ECPAS: variants seen among roughly 807,000 people sequenced by gnomAD.
The protein encoded by ECPAS is proteasome adapter and scaffold protein ECM29.
In ECPAS, 70 loss-of-function variants were observed where a neutral mutation model predicts 255.1. That is an observed-to-expected ratio of 0.27 (90% CI 0.23 to 0.33). The LOEUF (loss-of-function observed/expected upper bound fraction) is 0.33, where lower values mean the gene tolerates loss of function less well. ECPAS is among the 10% of genes least tolerant of loss of function. The pLI, the probability that ECPAS is intolerant of heterozygous loss-of-function variation, is 1.00. For synonymous variants in ECPAS, 784 were observed against 775.0 expected, an observed-to-expected ratio of 1.01 and a Z score of -0.19; for missense variants, 1,817 against 2,206.4, an observed-to-expected ratio of 0.82 and a Z score of 3.54.
In ECPAS at chr9:111,410,890, A is replaced by G. The variant is rs947015392; in HGVS notation, c.2377+90T>C. The G allele has an allele frequency of 3.9e-6, 5 of 1,277,416 alleles. No individual in the cohort carries two copies. The East Asian group carries it at 1.2e-4, about 30-fold the overall frequency. 79.1% of individuals were successfully genotyped at this position (1,277,416 alleles called of 1,614,324 possible). A position where few individuals can be genotyped will look rare whatever the true frequency, so the allele number is the denominator to read the frequency against. ...AAAAAGCTTGTGTCTTTTCAAATAC[A>G]ATGCCATAAAAAGAAACTGAAACGC... is the stretch of plus-strand genomic sequence containing the variant. On this transcript the variant is annotated intron_variant, in intron 22 of 49. Coordinates refer to ENST00000684092, the MANE Select transcript of ECPAS (RefSeq NM_001364929.1).
At chr9:111,397,593 A>G (rs1300658474) in intron 24 of ECPAS, among the ~76,000 whole-genome samples, 1 of 152,214 alleles carries the variant, frequency 6.6e-6, no homozygotes, top group Admixed American at 6.5e-5. Flanking sequence ...CATCCACAGC[A>G]TTAGGCTTTA....
In ECPAS at chr9:111,370,750, C is replaced by T; in HGVS notation, c.4753G>A (p.Ala1585Thr). Residue 1585 changes from alanine to threonine, a missense_variant, in exon 44 of 50, where the codon GCC becomes ACC. By Grantham distance (58) the Ala-to-Thr change is moderately conservative. Around this residue, in one of 4 missense-constraint regions of ECPAS, gnomAD observed 960 missense variants for 1,179.0 expected, o/e 0.81. Coordinates refer to ENST00000684092, the MANE Select transcript of ECPAS (RefSeq NM_001364929.1). ...CAAGCTGTCACCACACAGGCAATGG[C>T]TTTCAATAGCTCCTCCTAAGGGGTT... ...TWAGKEELLK[A>T]IACVVTACSA... 6 of 1,605,232 alleles carry T rather than the reference C, an allele frequency of 3.7e-6. No homozygotes were observed. Among genetic ancestry groups the T allele is most frequent in the Non-Finnish European group, 5.1e-6 (6 of 1,175,738 alleles).
intron 31 of ECPAS, among the ~76,000 whole-genome samples, chr9:111,387,416 G>C (rs2098151125): frequency 1.3e-5 from 2 of 151,956 alleles, no homozygotes; most frequent in Admixed American, 6.6e-5. Flanking sequence ...CTGAGAGACA[G>C]TGTCTCACTC....
At chr9:111,402,057 A>G (rs948741735) in intron 24 of ECPAS, among the ~76,000 whole-genome samples, 2 of 152,252 alleles carry the variant, frequency 1.3e-5, no homozygotes, top group Admixed American at 6.5e-5. Flanking sequence ...ATAAGAAATT[A>G]TAAGAGGATT....
At chr9:111,372,893 G>C (rs534290047) in intron 41 of ECPAS, among the ~76,000 whole-genome samples, 1 of 152,034 alleles carries the variant, frequency 6.6e-6, no homozygotes, top group Non-Finnish European at 1.5e-5. Flanking sequence ...TTAACCAGGC[G>C]TGGTGGCACG....
At chr9:111,393,001 T>G (rs1057189679) in intron 27 of ECPAS, 119 bp from the exon 28 acceptor site, 3 of 626,312 alleles carry the variant, frequency 4.8e-6, no homozygotes, top group Non-Finnish European at 8.5e-6. Context: ...AGTAAAGATA[T>G]AAAAACAGAA....
At chr9:111,421,415 G>A (rs988475241) in intron 15 of ECPAS, among the ~76,000 whole-genome samples, 34 of 127,002 alleles carry the variant, frequency 2.7e-4, no homozygotes, top group African/African-American at 1.3e-3. Flanking sequence ...ATATATGTGT[G>A]TGTGTGTGTG....
chr9:111,411,222 T>C, intron 21 of ECPAS, 80 bp from the exon 22 acceptor site: 2 of 1,391,714 alleles, frequency 1.4e-6, no homozygotes, highest in Non-Finnish European at 2.0e-6. Context: ...TGTGTGTCGA[T>C]TAGGATCATC....
intron 24 of ECPAS, among the ~76,000 whole-genome samples, chr9:111,398,305 A>G (rs559354953): frequency 2.0e-5 from 3 of 152,126 alleles, no homozygotes; most frequent in Non-Finnish European, 2.9e-5. Flanking sequence ...TTTCAACATA[A>G]TCCTTATTAG....
chr9:111,461,843 A>G (rs543670764), intron 2 of ECPAS, among the ~76,000 whole-genome samples: 1 of 152,318 alleles, frequency 6.6e-6, no homozygotes, highest in Non-Finnish European at 1.5e-5. Flanking sequence ...GGCAAGGAGG[A>G]GCAAGTCACA....
At chr9:111,413,774 A>G (rs569186715) in intron 20 of ECPAS, 121 bp downstream of exon 20, 1 of 507,886 alleles carries the variant, frequency 2.0e-6, no homozygotes, top group Non-Finnish European at 3.4e-6. Context: ...ATGATAAGAG[A>G]GTTTTCAAAA....
In ECPAS at chr9:111,368,884, T is replaced by C. The variant is rs146795257; in HGVS notation, c.5113+151A>G. 909 of 678,806 alleles carry C rather than the reference T, an allele frequency of 1.3e-3. 8 individuals are homozygous for C. Among genetic ancestry groups the C allele is most frequent in the East Asian group, 8.5e-3 (262 of 30,838 alleles). 42.0% of individuals were successfully genotyped at this position (678,806 alleles called of 1,614,324 possible). On this transcript the variant is annotated intron_variant, in intron 46 of 49. Transcript: ENST00000684092. The stretch of plus-strand genomic sequence containing the variant: ...AATGATCAGTGAGATCACAGACTCA[T>C]GTAGACAAAAAACTTTCACTGGATA...
intron 7 of ECPAS, among the ~76,000 whole-genome samples, chr9:111,435,845 A>G (rs1202688459): frequency 7.2e-6 from 1 of 138,690 alleles, no homozygotes; most frequent in African/African-American, 2.6e-5. Flanking sequence ...ACGCCCAGCT[A>G]ATTTTTTTTT....
intron 16 of ECPAS, among the ~76,000 whole-genome samples, chr9:111,419,003 G>C (rs2098208849): frequency 6.6e-6 from 1 of 152,174 alleles, no homozygotes; most frequent in East Asian, 1.9e-4. Context: ...AATAACTTGT[G>C]ATGTCCAATT....
chr9:111,477,781 T>C (rs1436006140), intron 1 of ECPAS, among the ~76,000 whole-genome samples: 1 of 151,996 alleles, frequency 6.6e-6, no homozygotes, highest in African/African-American at 2.4e-5. Context: ...ACACAATAAA[T>C]AAACAGCTTT....
At chr9:111,428,235 CT>C in intron 9 of ECPAS, 74 bp from the exon 10 acceptor site, 1 of 1,416,976 alleles carries the variant, frequency 7.1e-7, no homozygotes, top group Non-Finnish European at 9.6e-7. Flanking sequence ...GAGAATTCAT[CT>C]TAATCAGTGG....
In ECPAS at chr9:111,371,085, G is replaced by A. The variant is rs565681455; in HGVS notation, c.4738-320C>T. 3.3e-5 allele frequency among the ~76,000 whole-genome samples: 5 copies of A among 152,172 alleles called. No homozygotes were observed. The South Asian group carries it at 1.0e-3, about 32-fold the overall frequency. ...TCCGGTACTACTTCATTCCTGCATG[G>A]GCCACTATTGACCTTTACAACATAA... On this transcript the variant is annotated intron_variant, in intron 43 of 49. Coordinates refer to ENST00000684092, the MANE Select transcript of ECPAS (RefSeq NM_001364929.1).
chr9:111,391,754 A>T lies in ECPAS; in HGVS notation c.3161+2T>A. 6.3e-7 allele frequency: 1 copy of T among 1,579,934 alleles called. No individual in the cohort carries two copies. ...ACCATTCAATGGATTTAGCATACTTACCCATCTGGTGTTTTGCCAAGAGCT... is the reference window on the plus strand; with the variant it reads ...ACCATTCAATGGATTTAGCATACTTTCCCATCTGGTGTTTTGCCAAGAGCT... On this transcript the variant is annotated splice_donor_variant, in intron 29 of 49. Coordinates refer to ENST00000684092, the MANE Select transcript of ECPAS (RefSeq NM_001364929.1). LOFTEE classifies it high-confidence loss of function.
intron 39 of ECPAS, 118 bp downstream of exon 39, chr9:111,373,854 G>A: frequency 1.3e-6 from 1 of 742,792 alleles, no homozygotes; most frequent in Admixed American, 2.2e-5. Flanking sequence ...ACTGAGGGGA[G>A]AAAAGGCACA....
Sources: gnomAD v4.1 joint callset for allele counts (sites outside exome capture counted in the v4.1 genomes callset) on GRCh38, gnomAD v4.1.1 for gene constraint, gnomAD v4.1.1 regional missense constraint, MANE v1.5 for transcripts, NCBI Gene and HGNC (gene_info 2026-07-23, HGNC 2026-07-21) for gene names.